OPN5: variants seen among roughly 807,000 people sequenced by gnomAD.
OPN5 encodes opsin-5.
Under a neutral mutation model 41.7 loss-of-function variants are expected in OPN5, and 18 were observed. That is an observed-to-expected ratio of 0.43 (90% CI 0.30 to 0.64). The LOEUF is 0.64. Among genes scored for constraint, OPN5 ranks in the 30% least tolerant of loss-of-function variants. The pLI is 0.13. For missense variants in OPN5, 318 were observed against 434.5 expected (o/e 0.73, Z 2.38); for synonymous variants, 178 against 164.3 (o/e 1.08, Z -0.64).
intron 4 of OPN5, among the ~76,000 whole-genome samples, chr6:47,805,287 C>T (rs9473193): frequency 0.013 from 2,017 of 152,230 alleles, 44 homozygotes; most frequent in African/African-American, 0.044. Context: ...AGTTTAACTG[C>T]TAAGCATAGG....
At chr6:47,825,235 A>G (rs1306811184), downstream of OPN5, 1 of 152,224 alleles carries the variant, frequency 6.6e-6, no homozygotes, top group Non-Finnish European at 1.5e-5. Flanking sequence ...TAATGTGCCA[A>G]AGTGAGTTTA....
chr6:47,786,491 T>C (rs757263215), intron 1 of OPN5, 24 bp from the exon 2 acceptor site: 6 of 1,595,096 alleles, frequency 3.8e-6, no homozygotes. Flanking sequence ...TTTTAACGAT[T>C]GGAATTTTTA....
At chr6:47,822,931 T>G (rs1762677664) in intron 6 of OPN5, among the ~76,000 whole-genome samples, 1 of 152,198 alleles carries the variant, frequency 6.6e-6, no homozygotes, top group Non-Finnish European at 1.5e-5. Flanking sequence ...GGATAAGACT[T>G]TCCTCTCCTG....
intron 6 of OPN5, among the ~76,000 whole-genome samples, chr6:47,815,523 T>C (rs970793364): frequency 1.3e-5 from 2 of 152,072 alleles, no homozygotes; most frequent in Admixed American, 6.6e-5. Context: ...ATATATAGAA[T>C]GAAGATATAT....
At chr6:47,790,370 A>G (rs142821435) in intron 2 of OPN5, among the ~76,000 whole-genome samples, 301 of 152,134 alleles carry the variant, frequency 2.0e-3, no homozygotes, top group African/African-American at 6.2e-3. Flanking sequence ...TAAATGACCT[A>G]CCTACTTCCC....
intron 1 of OPN5, among the ~76,000 whole-genome samples, chr6:47,784,869 T>G (rs755447194): frequency 6.6e-5 from 10 of 152,172 alleles, no homozygotes; most frequent in Non-Finnish European, 1.3e-4. Flanking sequence ...TGTCCCCACT[T>G]TGGTCTTTAT....
chr6:47,823,649 G>T (rs904364553), intron 6 of OPN5: 8 of 434,544 alleles, frequency 1.8e-5, no homozygotes, highest in African/African-American at 5.8e-5. Flanking sequence ...GGCCTTACAG[G>T]TTAGTCTTTG....
At chr6:47,797,593 G>A (rs751363982) in intron 4 of OPN5, among the ~76,000 whole-genome samples, 2 of 152,220 alleles carry the variant, frequency 1.3e-5, no homozygotes, top group Non-Finnish European at 2.9e-5. Flanking sequence ...GTTTATGGAA[G>A]TGTGCCCAAG....
intron 2 of OPN5, 101 bp downstream of exon 2, chr6:47,786,735 C>G: frequency 1.0e-6 from 1 of 990,764 alleles, no homozygotes; most frequent in Non-Finnish European, 1.5e-6. Flanking sequence ...CTTCCCTTCA[C>G]ATCTCCTTCC....
chr6:47,792,513 G>A (rs954447875), intron 3 of OPN5, among the ~76,000 whole-genome samples: 6 of 152,148 alleles, frequency 3.9e-5, no homozygotes, highest in Non-Finnish European at 8.8e-5. Context: ...GTGTTGGTTG[G>A]TAGAAAGATG....
At chr6:47,812,624 T>G (rs150626343) in intron 6 of OPN5, among the ~76,000 whole-genome samples, 163 of 152,282 alleles carry the variant, frequency 1.1e-3, no homozygotes, top group African/African-American at 3.7e-3. Context: ...ACGTAGATAC[T>G]ATGTCCAAAT....
intron 4 of OPN5, among the ~76,000 whole-genome samples, chr6:47,797,802 T>TC (rs1360213062): frequency 6.6e-6 from 1 of 152,226 alleles, no homozygotes; most frequent in Non-Finnish European, 1.5e-5. Context: ...ATGAGGCTCT[T>TC]CTTCAGTTTC....
At chr6:47,826,132 G>A (rs1762783996), downstream of OPN5, 3 of 151,894 alleles carry the variant, frequency 2.0e-5, no homozygotes, top group African/African-American at 7.3e-5. Flanking sequence ...AGAATCCTAC[G>A]ATGAACTCCC....
intron 6 of OPN5, among the ~76,000 whole-genome samples, chr6:47,817,629 T>C (rs955834582): frequency 2.0e-5 from 3 of 152,128 alleles, no homozygotes; most frequent in African/African-American, 7.2e-5. Flanking sequence ...GAATCTGTAA[T>C]TTAACAAGAT....
At chr6:47,787,849 G>A (rs1773239218) in intron 2 of OPN5, among the ~76,000 whole-genome samples, 1 of 152,092 alleles carries the variant, frequency 6.6e-6, no homozygotes, top group African/African-American at 2.4e-5. Flanking sequence ...GTGAGCTATG[G>A]TACTACCACT....
chr6:47,793,037 C>T (rs1773434762), intron 3 of OPN5, among the ~76,000 whole-genome samples: 1 of 150,004 alleles, frequency 6.7e-6, no homozygotes. Context: ...TTAAAACTTC[C>T]AATAGAAATA....
rs934072850 is a variant in OPN5 at position 47,786,639 on chromosome 6, C to T, written c.250+5C>T. 4 of 1,612,914 alleles carry T rather than the reference C, an allele frequency of 2.5e-6. No homozygotes were observed. Among genetic ancestry groups the T allele is most frequent in the Non-Finnish European group, 3.4e-6 (4 of 1,179,148 alleles). ...TCTGTGATCTGGGGATTTCAGGTAA[C>T]ACAACCATGCTGTGTTTTCTTTGTG... On this transcript the variant is annotated splice_donor_5th_base_variant and intron_variant, in intron 2 of 6. Transcript: ENST00000371211.
chr6:47,806,693 C>T (rs1773981180), intron 4 of OPN5, among the ~76,000 whole-genome samples: 1 of 152,218 alleles, frequency 6.6e-6, no homozygotes. Context: ...TAATGCCATA[C>T]AAAACCCTGA....
intron 6 of OPN5, among the ~76,000 whole-genome samples, chr6:47,822,745 G>A (rs549012996): frequency 6.6e-6 from 1 of 152,298 alleles, no homozygotes; most frequent in South Asian, 2.1e-4. Flanking sequence ...GGCCATGAGA[G>A]CTAATAAAAA....
Sources: gnomAD v4.1 joint callset for allele counts (sites outside exome capture counted in the v4.1 genomes callset) on GRCh38, gnomAD v4.1.1 for gene constraint, MANE v1.5 for transcripts, NCBI Gene and HGNC (gene_info 2026-07-23, HGNC 2026-07-21) for gene names.